The following CYP20A1 variants were observed in gnomAD, a reference collection of about 807,000 sequenced individuals.
CYP20A1 encodes cytochrome P450 20A1.
In CYP20A1, 61 loss-of-function variants were observed where a neutral mutation model predicts 61.4. That is an observed-to-expected ratio of 0.99 (90% CI 0.81 to 1.23). The LOEUF (loss-of-function observed/expected upper bound fraction) is 1.23, where lower values mean the gene tolerates loss of function less well. Ranked by LOEUF, CYP20A1 falls within the 50% of genes most tolerant of loss-of-function variation. The pLI is 0.00. For missense variants in CYP20A1, 530 were observed against 542.4 expected (o/e 0.98, Z 0.23); for synonymous variants, 193 against 188.2 (o/e 1.03, Z -0.21).
chr2:203,278,138 T>C (rs1003089050), intron 6 of CYP20A1, among the ~76,000 whole-genome samples: 4 of 152,082 alleles, frequency 2.6e-5, no homozygotes, highest in Middle Eastern at 3.4e-3. Flanking sequence ...TAGCTGGGCG[T>C]GGTGGCATGT....
intron 4 of CYP20A1, among the ~76,000 whole-genome samples, chr2:203,257,427 T>C (rs746953124): frequency 5.9e-5 from 9 of 152,198 alleles, no homozygotes; most frequent in Non-Finnish European, 1.2e-4. Flanking sequence ...ATTGTAAGCA[T>C]TTTTGTATTT....
intron 11 of CYP20A1, among the ~76,000 whole-genome samples, chr2:203,295,355 G>A (rs538785588): frequency 2.4e-4 from 36 of 152,002 alleles, no homozygotes; most frequent in African/African-American, 6.5e-4. Context: ...GATTACAGGC[G>A]TGAGCCACTG....
At chr2:203,271,697 T>G (rs925631213) in intron 5 of CYP20A1, among the ~76,000 whole-genome samples, 1 of 152,188 alleles carries the variant, frequency 6.6e-6, no homozygotes, top group Non-Finnish European at 1.5e-5. Context: ...AAACAGAAAT[T>G]TGTAATTACC....
intron 4 of CYP20A1, among the ~76,000 whole-genome samples, chr2:203,258,005 G>GCACAATTATAGCTCACTGGAGCAACGA (rs1455916330): frequency 6.6e-6 from 1 of 151,752 alleles, no homozygotes; most frequent in Non-Finnish European, 1.5e-5. Context: ...GGGCTGAAGG[G>GCACAATTATAGCTCACTGGAGCAACGA]ATCCTCCTGC....
In CYP20A1 at chr2:203,298,918, T is replaced by C. The variant is rs1328867355; in HGVS notation, c.*2010T>C. ...GACATGCTGGCGTGCGCCTGTAGTC[T>C]CAGCTACTTGGGAGGCTGAGGCAGG... On this transcript the variant is annotated 3_prime_UTR_variant, in exon 13 of 13. Transcript: ENST00000356079. 7.0e-6 allele frequency among the ~76,000 whole-genome samples: 1 copy of C among 143,802 alleles called. No homozygotes were observed. The highest frequency in any genetic ancestry group is 1.5e-5 in the Non-Finnish European group (1 of 65,414). The allele number at this position is 143,802 out of a possible 152,430, so 94.3% of individuals were successfully genotyped here.
At chr2:203,287,785 A>G (rs2068346419) in intron 9 of CYP20A1, among the ~76,000 whole-genome samples, 1 of 151,904 alleles carries the variant, frequency 6.6e-6, no homozygotes, top group Non-Finnish European at 1.5e-5. Context: ...GGCCTTGTGT[A>G]CTCCCACCTT....
chr2:203,302,865 G>T lies in CYP20A1; in HGVS notation c.*5957G>T, dbSNP rs1028765648. 6.6e-6 allele frequency among the ~76,000 whole-genome samples: 1 copy of T among 151,940 alleles called. No homozygotes were observed. Among genetic ancestry groups the T allele is most frequent in the African/African-American group, 2.4e-5 (1 of 41,372 alleles). ...GTGCCATCACACCCAGCTCATTTTT[G>T]TATTTTTAGTAGAGATGGGGTTTTA... On this transcript the variant is annotated 3_prime_UTR_variant, in exon 13 of 13. Transcript: ENST00000356079.
At chr2:203,242,101 CA>C (rs1486643839) in intron 1 of CYP20A1, among the ~76,000 whole-genome samples, 1 of 152,180 alleles carries the variant, frequency 6.6e-6, no homozygotes, top group African/African-American at 2.4e-5. Flanking sequence ...CTTGGCCTCC[CA>C]AAGCACTGGG....
chr2:203,293,703 C>T (rs1418667870), intron 11 of CYP20A1, among the ~76,000 whole-genome samples: 6 of 151,952 alleles, frequency 3.9e-5, no homozygotes, highest in Admixed American at 6.6e-5. Context: ...TATCCCTCAT[C>T]GCCCCACCGT....
chr2:203,249,469 G>C (rs1448729229), intron 3 of CYP20A1, among the ~76,000 whole-genome samples: 1 of 152,068 alleles, frequency 6.6e-6, no homozygotes, highest in Admixed American at 6.6e-5. Flanking sequence ...TAAATAAAAA[G>C]GCACCATGAC....
intron 6 of CYP20A1, among the ~76,000 whole-genome samples, chr2:203,273,029 T>A (rs1266397528): frequency 6.6e-6 from 1 of 152,076 alleles, no homozygotes; most frequent in Non-Finnish European, 1.5e-5. Flanking sequence ...GTATTTTTAG[T>A]AGAGACAGGG....
At chr2:203,252,311 A>G in intron 4 of CYP20A1, among the ~76,000 whole-genome samples, 1 of 152,150 alleles carries the variant, frequency 6.6e-6, no homozygotes, top group East Asian at 1.9e-4. Flanking sequence ...ATCCAGACTC[A>G]CTGTATAAGT....
At chr2:203,282,758 C>T (rs915951032) in intron 8 of CYP20A1, among the ~76,000 whole-genome samples, 5 of 152,194 alleles carry the variant, frequency 3.3e-5, no homozygotes, top group African/African-American at 1.2e-4. Context: ...CCTTACTCTG[C>T]CCCTTATTAG....
chr2:203,247,873 T>C (rs951213514), intron 3 of CYP20A1, among the ~76,000 whole-genome samples: 2 of 151,546 alleles, frequency 1.3e-5, no homozygotes, highest in Non-Finnish European at 2.9e-5. Flanking sequence ...ACACAGAATA[T>C]TAATGAGGGA....
intron 6 of CYP20A1, among the ~76,000 whole-genome samples, chr2:203,273,851 G>T (rs918705982): frequency 1.3e-5 from 2 of 152,128 alleles, no homozygotes; most frequent in African/African-American, 4.8e-5. Context: ...AAAGGCTGAG[G>T]CATGAGAACC....
chr2:203,298,422 G>A lies in CYP20A1; in HGVS notation c.*1514G>A, dbSNP rs1653. On this transcript the variant is annotated 3_prime_UTR_variant, in exon 13 of 13. Transcript: ENST00000356079. ...ACAAAAAACAAAAAAGGCCGGGCTCGGTGGCTCATGCCTATAATACTTTGG... is the reference window on the plus strand; with the variant it reads ...ACAAAAAACAAAAAAGGCCGGGCTCAGTGGCTCATGCCTATAATACTTTGG... The A allele has an allele frequency of 0.39, 64,753 of 164,134 alleles. 13,462 individuals carry two copies. The highest frequency in any genetic ancestry group is 0.64 in the East Asian group (4,144 of 6,466). The allele number at this position is 164,134 out of a possible 1,614,324, so 10.2% of individuals were successfully genotyped here. A position where few individuals can be genotyped will look rare whatever the true frequency, so the allele number is the denominator to read the frequency against.
In CYP20A1 at chr2:203,289,768, T is replaced by C. The variant is rs200160581; in HGVS notation, c.975T>C (p.Tyr325=). The C allele has an allele frequency of 2.2e-5, 34 of 1,545,950 alleles. No individual in the cohort carries two copies. Among genetic ancestry groups the C allele is most frequent in the Non-Finnish European group, 2.5e-5 (29 of 1,146,262 alleles). ...AAAAAAAATTTTTTTAAAACAGATATTGTCAGCATGTGCTTTGTGAAACTG... is the reference window on the plus strand; with the variant it reads ...AAAAAAAATTTTTTTAAAACAGATACTGTCAGCATGTGCTTTGTGAAACTG... ...VTPEKIEQLR[Y]CQHVLCETVR... The change falls in exon 10 of 13, where the codon TAT becomes TAC. Residue 325 remains tyrosine (Y), a synonymous_variant. Transcript: ENST00000356079.
chr2:203,248,647 G>T (rs929536522), intron 3 of CYP20A1, among the ~76,000 whole-genome samples: 1 of 152,102 alleles, frequency 6.6e-6, no homozygotes, highest in Non-Finnish European at 1.5e-5. Context: ...ATGACAAAAG[G>T]GAAAAGTAAT....
chr2:203,286,308 A>G (rs2068267617), intron 9 of CYP20A1, among the ~76,000 whole-genome samples: 2 of 152,128 alleles, frequency 1.3e-5, no homozygotes, highest in Admixed American at 1.3e-4. Flanking sequence ...ATAGAAAACA[A>G]TATGATAGGC....
Sources: allele counts gnomAD v4.1 joint callset (sites outside exome capture counted in the v4.1 genomes callset), GRCh38; gene constraint gnomAD v4.1.1; transcripts MANE v1.5; gene names NCBI Gene and HGNC (gene_info 2026-07-23, HGNC 2026-07-21).